The following PKD1L3 variants were observed in gnomAD, a reference collection of about 807,000 sequenced individuals.
The protein encoded by PKD1L3 is polycystin 1 like 3, transient receptor potential channel interacting, also known as polycystin-1-like protein 3.
Under a neutral mutation model 184.1 loss-of-function variants are expected in PKD1L3, and 239 were observed. That is an observed-to-expected ratio of 1.30 (90% CI 1.17 to 1.45). The LOEUF is 1.45. PKD1L3 is among the 40% of genes most tolerant of loss of function. PKD1L3 has a pLI of 0.00. For missense variants in PKD1L3, 2,660 were observed against 2,067.2 expected (o/e 1.29, Z -5.56); for synonymous variants, 996 against 778.8 (o/e 1.28, Z -4.64).
At chr16:71,956,357 C>G (rs1323063624) in intron 16 of PKD1L3, among the ~76,000 whole-genome samples, 1 of 151,770 alleles carries the variant, frequency 6.6e-6, no homozygotes, top group Non-Finnish European at 1.5e-5. Context: ...CCATGCCTGG[C>G]TAATTTTTGT....
At chr16:71,993,452 C>T (rs1304102114) in intron 2 of PKD1L3, 120 bp from the exon 3 acceptor site, 3 of 665,286 alleles carry the variant, frequency 4.5e-6, no homozygotes, top group Non-Finnish European at 4.8e-6. Context: ...AAATTCCTAT[C>T]CAGTTTTTTA....
chr16:71,963,042 A>G (rs1313099467), intron 16 of PKD1L3, among the ~76,000 whole-genome samples, 163 bp downstream of exon 16: 1 of 152,208 alleles, frequency 6.6e-6, no homozygotes, highest in East Asian at 1.9e-4. Context: ...CTGATTTTTA[A>G]GGTAATGGTT....
intron 2 of PKD1L3, among the ~76,000 whole-genome samples, chr16:71,996,681 T>C (rs9938539): frequency 0.33 from 50,103 of 152,054 alleles, 8,616 homozygotes; most frequent in Non-Finnish European, 0.36. Context: ...GCTCAATAAA[T>C]GGCACCATAG....
intron 16 of PKD1L3, among the ~76,000 whole-genome samples, chr16:71,960,619 C>T (rs991132091): frequency 2.0e-5 from 3 of 152,012 alleles, no homozygotes; most frequent in African/African-American, 7.2e-5. Context: ...TAAAATATGT[C>T]TATACGGTAA....
chr16:71,960,352 T>C (rs1395471637), intron 16 of PKD1L3, among the ~76,000 whole-genome samples: 4 of 152,332 alleles, frequency 2.6e-5, no homozygotes, highest in African/African-American at 9.6e-5. Flanking sequence ...TTATTAGATC[T>C]GGTTTTTTAA....
rs772693920 is a variant in PKD1L3 at position 71,947,581 on chromosome 16, A to T, written c.3629T>A (p.Phe1210Tyr). 1.3e-6 allele frequency: 2 copies of T among 1,540,576 alleles called. No individual in the cohort carries two copies. Among genetic ancestry groups the T allele is most frequent in the African/African-American group, 1.4e-5 (1 of 72,866 alleles). ...FISQPVKVVF[F>Y]TFLYSLMMSR... ...CATCATCAGTGAGTATAAGAATGTG[A>T]AGAAGACCACCTGGGCAGGAGAATC... Residue 1210 changes from phenylalanine (F) to tyrosine (Y), a missense_variant, in exon 22 of 30, where the codon TTC (phenylalanine) becomes TAC (tyrosine). Phe to Tyr is a conservative substitution (Grantham distance 22). Coordinates refer to ENST00000620267, the MANE Select transcript of PKD1L3 (RefSeq NM_181536.2).
intron 28 of PKD1L3, among the ~76,000 whole-genome samples, chr16:71,932,272 A>G (rs546339858): frequency 6.6e-6 from 1 of 152,252 alleles, no homozygotes; most frequent in South Asian, 2.1e-4. Flanking sequence ...TTGCTTGGTC[A>G]TATCTACCCT....
intron 16 of PKD1L3, among the ~76,000 whole-genome samples, chr16:71,958,830 T>C (rs1050252194): frequency 7.0e-6 from 1 of 143,066 alleles, no homozygotes; most frequent in Non-Finnish European, 1.5e-5. Flanking sequence ...CTCACACCTG[T>C]AATCTTAGCA....
rs370997511 is a variant in PKD1L3 at position 71,944,130 on chromosome 16, G to A, written c.3759C>T (p.Asn1253=). 7.9e-5 allele frequency: 122 copies of A among 1,551,202 alleles called. 1 individual carries two copies. The highest frequency in any genetic ancestry group is 2.3e-4 in the South Asian group (19 of 84,050). ...TAGCTGGGGCTACATAGACGGGGTT[G>A]TTCTTATCTCTTGAACCTGGTACTG... The part of the protein sequence containing the change: ...SSSVPGSRDK[N]NPVYVAPAIN... The change falls in exon 23 of 30, where the codon AAC becomes AAT. Residue 1253 remains asparagine (N), a synonymous_variant. Transcript: ENST00000620267.
chr16:71,996,802 C>T (rs935786908), intron 2 of PKD1L3, among the ~76,000 whole-genome samples: 1 of 152,066 alleles, frequency 6.6e-6, no homozygotes, highest in African/African-American at 2.4e-5. Context: ...TCCATGGAAT[C>T]CAATTCAACA....
chr16:71,978,435 G>A, intron 9 of PKD1L3, 52 bp from the exon 10 acceptor site: 2 of 1,479,886 alleles, frequency 1.4e-6, no homozygotes, highest in Non-Finnish European at 1.8e-6. Context: ...ATTTTTAAGT[G>A]ACCCCACTAG....
chr16:71,987,048 CT>C (rs1317560082), intron 4 of PKD1L3, among the ~76,000 whole-genome samples: 5 of 150,314 alleles, frequency 3.3e-5, no homozygotes, highest in Non-Finnish European at 7.4e-5. Flanking sequence ...CCTCAGCCTC[CT>C]CAGTAGCTGG....
intron 28 of PKD1L3, chr16:71,930,631 C>T (rs1234947597): frequency 6.6e-6 from 1 of 152,432 alleles, no homozygotes; most frequent in Non-Finnish European, 1.5e-5. Context: ...ACAGGTTGGC[C>T]ACAGAAAACT....
At chr16:71,978,873 C>T (rs1122531) in intron 9 of PKD1L3, among the ~76,000 whole-genome samples, 115,715 of 151,956 alleles carry the variant, frequency 0.76, 44,305 homozygotes, top group South Asian at 0.86. Flanking sequence ...GATGTGCCCC[C>T]TACTAATACC....
intron 2 of PKD1L3, among the ~76,000 whole-genome samples, chr16:71,995,165 G>A (rs922427341): frequency 5.3e-5 from 8 of 152,144 alleles, no homozygotes; most frequent in Non-Finnish European, 1.0e-4. Context: ...GGGGAAGGCT[G>A]CAACCTCGTA....
chr16:71,950,132 C>G lies in PKD1L3; in HGVS notation c.3369G>C (p.Glu1123Asp). Residue 1123 changes from glutamate (E) to aspartate (D), a missense_variant, in exon 20 of 30, where the codon GAG (glutamate) becomes GAC (aspartate). By Grantham distance (45) the Glu-to-Asp change is conservative. Coordinates refer to ENST00000620267, the MANE Select transcript of PKD1L3 (RefSeq NM_181536.2). ...TGGTGCATTACCTGGATGGCTCTTG[C>G]TCCGTGGGAAGAATATGTGTTTCCA... ...ELLETHILPT[E>D]QEPSREVTSF... 4 of 1,551,830 alleles carry G rather than the reference C, an allele frequency of 2.6e-6. No homozygotes were observed. Among genetic ancestry groups the G allele is most frequent in the Non-Finnish European group, 3.5e-6 (4 of 1,146,962 alleles).
In PKD1L3 at chr16:71,978,314, C is replaced by T; in HGVS notation, c.1468G>A (p.Val490Met). Residue 490 changes from valine to methionine, a missense_variant, in exon 10 of 30, where the codon GTG becomes ATG. Physicochemically the swap from Val to Met is conservative, Grantham distance 21 (BLOSUM62 1). Transcript: ENST00000620267. ...AATTTACGATTAGCGCTTAGTAACA[C>T]ACTTCCAATGCTTCCAACAATGTTT... Reference protein sequence around the residue: ...NRNIVGSIGSVLLSANRKLLQ... With the variant: ...NRNIVGSIGSMLLSANRKLLQ... 6.4e-7 allele frequency: 1 copy of T among 1,550,952 alleles called. No homozygotes were observed. Among genetic ancestry groups the T allele is most frequent in the Non-Finnish European group, 8.7e-7 (1 of 1,146,560 alleles).
At position 71,984,134 on chromosome 16, in the gene PKD1L3, C is replaced by G. The variant is rs1249088633; in HGVS notation, c.868G>C (p.Ala290Pro). The change falls in exon 6 of 30, where the codon GCA becomes CCA. Residue 290 changes from alanine (A) to proline (P), a missense_variant. Ala to Pro is a conservative substitution (Grantham distance 27). Transcript: ENST00000620267. ...IDEIAGNFSR[A>P]VHGLQALNKL... ...TTAAGAGCTTGCAAACCATGAACTG[C>G]TCTGCTGAAGTTCCCTGCTATCTCA... 2 of 1,551,874 alleles carry G rather than the reference C, an allele frequency of 1.3e-6. No individual in the cohort carries two copies. The highest frequency in any genetic ancestry group is 4.9e-5 in the East Asian group (2 of 40,914).
At chr16:71,975,821 G>A (rs536401939) in intron 11 of PKD1L3, among the ~76,000 whole-genome samples, 2 of 152,296 alleles carry the variant, frequency 1.3e-5, no homozygotes, top group African/African-American at 4.8e-5. Flanking sequence ...ATACAGAAAT[G>A]TGCTTGTAAA....
Sources: gnomAD v4.1 joint callset for allele counts (sites outside exome capture counted in the v4.1 genomes callset) on GRCh38, gnomAD v4.1.1 for gene constraint, MANE v1.5 for transcripts, NCBI Gene and HGNC (gene_info 2026-07-23, HGNC 2026-07-21) for gene names.